Variants in LARGE1 observed in about 807,000 individuals in gnomAD.
LARGE1 encodes xylosyl- and glucuronyltransferase LARGE1.
Under a neutral mutation model 87.6 loss-of-function variants are expected in LARGE1, and 43 were observed. The ratio of observed to expected loss-of-function variants is 0.49; its 90% CI spans 0.38 to 0.63. LARGE1 has a LOEUF of 0.63. Among genes scored for constraint, LARGE1 ranks in the 30% least tolerant of loss-of-function variants. The pLI is 0.00. For synonymous variants in LARGE1, 434 were observed against 394.6 expected, an observed-to-expected ratio of 1.10 and a Z score of -1.18; for missense variants, 802 against 1,000.2, an observed-to-expected ratio of 0.80 and a Z score of 2.67.
intron 1 of LARGE1, among the ~76,000 whole-genome samples, chr22:33,820,915 A>G (rs2086797095): frequency 6.6e-6 from 1 of 152,046 alleles, no homozygotes; most frequent in Non-Finnish European, 1.5e-5. Context: ...TCTGCCTCCC[A>G]CATGGCTCTC....
intron 5 of LARGE1, among the ~76,000 whole-genome samples, chr22:33,578,983 T>C (rs774372053): frequency 9.9e-5 from 15 of 152,206 alleles, no homozygotes; most frequent in Non-Finnish European, 1.8e-4. Context: ...AACGCTCTAC[T>C]GAGAAAGCTG....
intron 7 of LARGE1, among the ~76,000 whole-genome samples, chr22:33,420,391 A>G (rs1487425881): frequency 6.6e-6 from 1 of 152,204 alleles, no homozygotes; most frequent in Non-Finnish European, 1.5e-5. Flanking sequence ...GGAAAGACAC[A>G]GGGAAATTAA....
At chr22:33,861,401 AACAC>A (rs139884348) in intron 1 of LARGE1, among the ~76,000 whole-genome samples, 9 of 149,032 alleles carry the variant, frequency 6.0e-5, no homozygotes, top group East Asian at 2.0e-4. Context: ...CACACACACA[AACAC>A]ACACACACAC....
At chr22:33,066,877 C>G in the LARGE1 span, among the ~76,000 whole-genome samples, 9 of 152,270 alleles carry the variant, frequency 5.9e-5, no homozygotes, top group East Asian at 1.7e-3. Flanking sequence ...AGAACAGATT[C>G]AGCCTGAACT....
intron 6 of LARGE1, among the ~76,000 whole-genome samples, chr22:33,529,527 G>T (rs2072090133): frequency 6.6e-6 from 1 of 152,204 alleles, no homozygotes; most frequent in Admixed American, 6.5e-5. Flanking sequence ...GGGTCAGAAA[G>T]TACTAAATGC....
chr22:33,188,727 T>C (rs1923618451), intron 11 of LARGE1, among the ~76,000 whole-genome samples: 1 of 152,148 alleles, frequency 6.6e-6, no homozygotes, highest in Non-Finnish European at 1.5e-5. Context: ...CCAGTCTCAT[T>C]CTCATGGGAG....
At chr22:33,584,787 C>T (rs541646385) in intron 5 of LARGE1, among the ~76,000 whole-genome samples, 3 of 152,238 alleles carry the variant, frequency 2.0e-5, no homozygotes, top group South Asian at 4.1e-4. Context: ...CATGATCCAA[C>T]CCAAACTCCA....
chr22:33,323,129 A>C (rs182126827), intron 10 of LARGE1, among the ~76,000 whole-genome samples: 113 of 152,018 alleles, frequency 7.4e-4, no homozygotes, highest in African/African-American at 2.3e-3. Flanking sequence ...CTCAAAAAAC[A>C]ACCACCACCA....
intron 2 of LARGE1, among the ~76,000 whole-genome samples, chr22:33,662,987 TA>T (rs2081172896): frequency 6.6e-6 from 1 of 152,288 alleles, no homozygotes; most frequent in East Asian, 1.9e-4. Flanking sequence ...TGACTTACAT[TA>T]AAGTTATATT....
intron 6 of LARGE1, among the ~76,000 whole-genome samples, chr22:33,453,640 G>T (rs898730753): frequency 2.6e-5 from 4 of 152,162 alleles, no homozygotes; most frequent in Admixed American, 2.6e-4. Context: ...CTGACTGGCA[G>T]TCTGAGGCAG....
intron 11 of LARGE1, among the ~76,000 whole-genome samples, chr22:33,265,846 G>A (rs1927903429): frequency 6.6e-6 from 1 of 152,318 alleles, no homozygotes; most frequent in South Asian, 2.1e-4. Flanking sequence ...AGTGTTATGT[G>A]TGGTCCTCTG....
intron 6 of LARGE1, among the ~76,000 whole-genome samples, chr22:33,490,261 C>T (rs552518955): frequency 3.3e-5 from 5 of 152,336 alleles, no homozygotes; most frequent in South Asian, 2.1e-4. Context: ...CATTTATTCA[C>T]GCCAGAAGCT....
rs1371608918 is a variant in LARGE1 at position 33,661,235 on chromosome 22, AGCCAGGGTCTCGCTCTGTT to A, written c.107-10586_107-10568del. Among the ~76,000 whole-genome samples the A allele has an allele frequency of 5.7e-5, 6 of 105,250 alleles. No individual in the cohort carries two copies. The Admixed American group carries it at 6.2e-4, about 11-fold the overall frequency. 69.0% of individuals were successfully genotyped at this position (105,250 alleles called of 152,430 possible). ...TTCTATGATTTTTTTTTTTTTTTTGAGCCAGGGTCTCGCTCTGTTGCCCAGGCTGGAGTACAGGGGCTCA... is the reference window on the plus strand; with the variant it reads ...TTCTATGATTTTTTTTTTTTTTTTGAGCCCAGGCTGGAGTACAGGGGCTCA... On this transcript the variant is annotated intron_variant, in intron 2 of 14. Coordinates refer to ENST00000397394, the MANE Select transcript of LARGE1 (RefSeq NM_133642.5).
At chr22:33,388,348 G>A (rs2065400170) in intron 7 of LARGE1, among the ~76,000 whole-genome samples, 1 of 152,180 alleles carries the variant, frequency 6.6e-6, no homozygotes, top group Admixed American at 6.5e-5. Flanking sequence ...CCGTGTTGAA[G>A]GCGCTCCTTG....
chr22:33,799,134 T>A (rs1238552501), intron 1 of LARGE1, among the ~76,000 whole-genome samples: 2 of 152,066 alleles, frequency 1.3e-5, no homozygotes, highest in Non-Finnish European at 2.9e-5. Flanking sequence ...CATGCATGGA[T>A]GGAGAGCCAG....
intron 1 of LARGE1, among the ~76,000 whole-genome samples, chr22:33,824,325 T>A (rs1028381006): frequency 6.6e-6 from 1 of 152,066 alleles, no homozygotes. Flanking sequence ...AAACTTACAA[T>A]CATGGCAGAA....
Position 33,853,681 on chromosome 22 carries a change from A to T in LARGE1, c.-83+66314T>A, listed in dbSNP as rs1262334792. Among the ~76,000 whole-genome samples the T allele has an allele frequency of 2.0e-5, 3 of 152,242 alleles. No individual in the cohort carries two copies. The East Asian group carries it at 5.8e-4, about 29-fold the overall frequency. On this transcript the variant is annotated intron_variant, in intron 1 of 14. Transcript: ENST00000397394. ...CACATATGCCGAAGATAGCAAGGAT[A>T]CAAAAAAGTGCCAGTTCCTTTCCCA... is the stretch of plus-strand genomic sequence containing the variant.
chr22:33,357,133 T>C (rs1940965813), intron 9 of LARGE1, among the ~76,000 whole-genome samples: 1 of 152,206 alleles, frequency 6.6e-6, no homozygotes, highest in Admixed American at 6.5e-5. Flanking sequence ...CATCAATGGC[T>C]TAACGTAGAA....
downstream of LARGE1, among the ~76,000 whole-genome samples, chr22:33,160,976 C>A (rs1217757485): frequency 6.6e-6 from 1 of 152,132 alleles, no homozygotes; most frequent in Non-Finnish European, 1.5e-5. Context: ...TGTATTAGTC[C>A]ATTCTCATGC....
Sources: allele counts gnomAD v4.1 joint callset (sites outside exome capture counted in the v4.1 genomes callset), GRCh38; gene constraint gnomAD v4.1.1; transcripts MANE v1.5; gene names NCBI Gene and HGNC (gene_info 2026-07-23, HGNC 2026-07-21).